The following GON4L variants were observed in gnomAD, a reference collection of about 807,000 sequenced individuals.
GON4L encodes the protein GON-4-like protein.
Under a neutral mutation model 211.8 loss-of-function variants are expected in GON4L, and 87 were observed. The observed-to-expected ratio is 0.41, with a 90% CI of 0.35 to 0.49. The LOEUF is 0.49. GON4L is among the 20% of genes least tolerant of loss of function. The pLI is 0.15. For synonymous variants in GON4L, 875 were observed against 962.6 expected, an observed-to-expected ratio of 0.91 and a Z score of 1.68; for missense variants, 2,155 against 2,659.5, an observed-to-expected ratio of 0.81 and a Z score of 4.17.
rs747701864 is a variant in GON4L, at chr1:155,754,534, T to C, written c.5518-46A>G. ...ATTAGCTGCCAAGTTGTTTTTTTTT[T>C]TTTTTTTTTTTTTGAGACAGAGTCT... On this transcript the variant is annotated intron_variant, in intron 27 of 31. Transcript: ENST00000368331. The C allele has an allele frequency of 7.6e-6, 9 of 1,180,858 alleles. No homozygotes were observed. In the Admixed American group the frequency reaches 1.7e-4, roughly 22 times the overall value. The allele number at this position is 1,180,858 out of a possible 1,614,324, so 73.1% of individuals were successfully genotyped here.
At chr1:155,828,185 T>C (rs1269667002) in intron 2 of GON4L, among the ~76,000 whole-genome samples, 2 of 150,582 alleles carry the variant, frequency 1.3e-5, no homozygotes, top group Admixed American at 1.3e-4. Flanking sequence ...CGCAAAGAAA[T>C]ATTCATGTAG....
chr1:155,760,528 C>T lies in GON4L; in HGVS notation c.5025G>A (p.Leu1675=). 2 of 1,613,492 alleles carry T rather than the reference C, an allele frequency of 1.2e-6. No individual in the cohort carries two copies. Among genetic ancestry groups the T allele is most frequent in the Non-Finnish European group, 1.7e-6 (2 of 1,179,470 alleles). The part of the protein sequence containing the change: ...RRTAVDLYKS[L]QILLQDWPQL... ...GAGGCCAGTCTTGGAGCAGAATTTG[C>T]AGGCTTTTGTAGAGATCTACAGCCG... Residue 1675 remains leucine (L), a synonymous_variant, in exon 24 of 32, where the codon CTG becomes CTA. Coordinates refer to ENST00000368331, the MANE Select transcript of GON4L (RefSeq NM_001282860.2).
upstream of GON4L, among the ~76,000 whole-genome samples, chr1:155,858,636 G>GTTTTT (rs60054192): frequency 1.2e-4 from 13 of 107,940 alleles, 1 homozygote; most frequent in East Asian, 5.1e-4. Context: ...TTCATTAGTT[G>GTTTTT]TTTTTTTTTT....
At position 155,805,101 on chromosome 1, in the gene GON4L, T is replaced by C; in HGVS notation, c.1493A>G (p.Lys498Arg). 1.2e-6 allele frequency: 2 copies of C among 1,613,844 alleles called. No homozygotes were observed. The highest frequency in any genetic ancestry group is 1.6e-4 in the Middle Eastern group (1 of 6,062). Residue 498 changes from lysine (K) to arginine (R), a missense_variant, in exon 11 of 32, where the codon AAG (lysine) becomes AGG (arginine). By Grantham distance (26) the Lys-to-Arg change is conservative (BLOSUM62 2). Coordinates refer to ENST00000368331, the MANE Select transcript of GON4L (RefSeq NM_001282860.2). ...CAGGGGAACATCTTTCAGGGGCATC[T>C]TAGAACGCGTTCGAAATGCAATGAG... ...DSLIAFRTRS[K>R]MPLKDVPLGQ...
At position 155,842,523 on chromosome 1, in the gene GON4L, CAAAAAAAAAAAAA is replaced by C. The variant is rs71591917; in HGVS notation, c.505+10740_505+10752del. Reference sequence around the variant, plus strand: ...TGGGCGACAGAGCGAGACTCCATCTCAAAAAAAAAAAAAAAAAAAAAAAACTTGGAAAGGGCCG... The same window carrying C: ...TGGGCGACAGAGCGAGACTCCATCTCAAAAAAAAAAACTTGGAAAGGGCCG... On this transcript the variant is annotated intron_variant, in intron 2 of 31. Coordinates refer to ENST00000368331, the MANE Select transcript of GON4L (RefSeq NM_001282860.2). 1.2e-3 allele frequency among the ~76,000 whole-genome samples: 32 copies of C among 26,004 alleles called. 1 individual carries two copies. In the East Asian group the frequency reaches 0.031, roughly 25 times the overall value. 17.1% of individuals were successfully genotyped at this position (26,004 alleles called of 152,430 possible).
At chr1:155,809,589 CTT>C (rs1280062447) in intron 10 of GON4L, among the ~76,000 whole-genome samples, 2 of 127,804 alleles carry the variant, frequency 1.6e-5, no homozygotes, top group African/African-American at 2.9e-5. Context: ...AAATTATATA[CTT>C]ATATATACTT....
chr1:155,813,625 A>T lies in GON4L; in HGVS notation c.1452+9T>A. On this transcript the variant is annotated intron_variant, in intron 10 of 31. Transcript: ENST00000368331. ...GACTTTCTCAGTTAAGTACAGTTTT[A>T]ATATTTACCTGGAAAGAATCCATGC... 1 of 1,600,442 alleles carries T rather than the reference A, an allele frequency of 6.2e-7. No individual in the cohort carries two copies. Among genetic ancestry groups the T allele is most frequent in the Non-Finnish European group, 8.6e-7 (1 of 1,167,516 alleles).
intron 8 of GON4L, among the ~76,000 whole-genome samples, chr1:155,815,372 C>G (rs1188707223): frequency 6.6e-6 from 1 of 151,926 alleles, no homozygotes; most frequent in African/African-American, 2.4e-5. Flanking sequence ...AAGTTCAAAA[C>G]AGTAACAATT....
chr1:155,815,780 A>G, intron 8 of GON4L, 25 bp downstream of exon 8: 1 of 1,267,160 alleles, frequency 7.9e-7, no homozygotes, highest in Non-Finnish European at 1.1e-6. Context: ...ATTAAGACAA[A>G]TATTACCAAC....
At position 155,805,000 on chromosome 1, in the gene GON4L, C is replaced by T; in HGVS notation, c.1594G>A (p.Asp532Asn). The change falls in exon 11 of 32, where the codon GAC (aspartate) becomes AAC (asparagine). Residue 532 changes from aspartate (D) to asparagine (N), a missense_variant. By Grantham distance (23) the Asp-to-Asn change is conservative (BLOSUM62 1). Transcript: ENST00000368331. ...MYDPNTADDEDWKMWLGGLMN... is the reference protein window; with the variant it reads ...MYDPNTADDENWKMWLGGLMN... The stretch of plus-strand genomic sequence containing the variant: ...AGTCCCCCCAGCCACATCTTCCAGT[C>T]CTCATCATCTGCCGTATTGGGGTCA... 6.2e-7 allele frequency: 1 copy of T among 1,613,944 alleles called. No individual in the cohort carries two copies. Among genetic ancestry groups the T allele is most frequent in the Non-Finnish European group, 8.5e-7 (1 of 1,179,878 alleles).
intron 31 of GON4L, 47 bp from the exon 32 acceptor site, chr1:155,750,780 T>C: frequency 6.5e-7 from 1 of 1,540,324 alleles, no homozygotes; most frequent in East Asian, 2.4e-5. Flanking sequence ...TTTTTTGTTT[T>C]TGAGACGGAG....
intron 29 of GON4L, 90 bp downstream of exon 29, chr1:155,753,114 G>A (rs1660790372): frequency 2.1e-6 from 2 of 952,240 alleles, no homozygotes; most frequent in Non-Finnish European, 3.3e-6. Context: ...TCCCTGAAAA[G>A]GCTATTTATC....
Position 155,762,259 on chromosome 1 carries a change from C to G in GON4L, c.4842G>C (p.Glu1614Asp), listed in dbSNP as rs755033137. Residue 1614 changes from glutamate to aspartate, a missense_variant, in exon 23 of 32, where the codon GAG (glutamate) becomes GAC (aspartate). Glu to Asp is a conservative substitution (Grantham distance 45). This residue lies in a region of GON4L where 455 missense variants were observed against 504.6 expected (regional missense o/e 0.90). Coordinates refer to ENST00000368331, the MANE Select transcript of GON4L (RefSeq NM_001282860.2). Reference sequence around the variant, plus strand: ...TGAGTGGATCTCGCTCGAGAATGTCCTCATCATACAGCAACAGCAGCTTGG... The same window carrying G: ...TGAGTGGATCTCGCTCGAGAATGTCGTCATCATACAGCAACAGCAGCTTGG... ...DTSKLLLLYD[E>D]DILERDPLRE... 6.2e-7 allele frequency: 1 copy of G among 1,612,860 alleles called. No homozygotes were observed. Among genetic ancestry groups the G allele is most frequent in the Non-Finnish European group, 8.5e-7 (1 of 1,179,470 alleles).
At chr1:155,786,696 G>A (rs894092634) in intron 12 of GON4L, among the ~76,000 whole-genome samples, 1 of 152,158 alleles carries the variant, frequency 6.6e-6, no homozygotes, top group Admixed American at 6.6e-5. Flanking sequence ...CAATCCAACA[G>A]ACGGAAAATT....
In GON4L at chr1:155,765,799, G is replaced by C; in HGVS notation, c.3674C>G (p.Ala1225Gly). The change falls in exon 21 of 32, where the codon GCC (alanine) becomes GGC (glycine). Residue 1225 changes from alanine (A) to glycine (G), a missense_variant. By Grantham distance (60) the Ala-to-Gly change is moderately conservative. Around this residue, in one of 6 missense-constraint regions of GON4L, gnomAD observed 615 missense variants for 625.7 expected, o/e 0.98. Coordinates refer to ENST00000368331, the MANE Select transcript of GON4L (RefSeq NM_001282860.2). ...ACAAGCAATGTCCACATTCACGTGGGCCTTATCTTCAGGGGTGGATGGTAT... is the reference window on the plus strand; with the variant it reads ...ACAAGCAATGTCCACATTCACGTGGCCCTTATCTTCAGGGGTGGATGGTAT... Reference protein sequence around the residue: ...LPIPSTPEDKAHVNVDIACAV... With the variant: ...LPIPSTPEDKGHVNVDIACAV... The C allele has an allele frequency of 6.2e-7, 1 of 1,614,204 alleles. No individual in the cohort carries two copies. The highest frequency in any genetic ancestry group is 1.3e-5 in the African/African-American group (1 of 75,054).
intron 2 of GON4L, chr1:155,845,748 A>C: frequency 3.7e-6 from 1 of 272,838 alleles, no homozygotes; most frequent in Non-Finnish European, 7.4e-6. Flanking sequence ...AGTGACATGA[A>C]GCCAAAGGAC....
chr1:155,836,393 G>A (rs959660094), intron 2 of GON4L, among the ~76,000 whole-genome samples: 5 of 152,100 alleles, frequency 3.3e-5, no homozygotes, highest in Middle Eastern at 6.8e-3. Context: ...GGGATGACAG[G>A]TGCCTGCCAC....
At chr1:155,764,424 C>CTTT (rs1394769109) in intron 21 of GON4L, 2 of 127,148 alleles carry the variant, frequency 1.6e-5, no homozygotes, top group African/African-American at 7.9e-5. Flanking sequence ...CAGTTATTTA[C>CTTT]TATTTTTTTT....
Position 155,815,873 on chromosome 1 carries a change from C to T in GON4L, c.1093G>A (p.Glu365Lys), listed in dbSNP as rs1401219715. Reference sequence around the variant, plus strand: ...TCTTCATCTGAGGAATCATCTTCTTCAAGGTGGATATCCACAAACTGAGGA... The same window carrying T: ...TCTTCATCTGAGGAATCATCTTCTTTAAGGTGGATATCCACAAACTGAGGA... Reference protein sequence around the residue: ...KPPQFVDIHLEEDDSSDEEYQ... With the variant: ...KPPQFVDIHLKEDDSSDEEYQ... Residue 365 changes from glutamate to lysine, a missense_variant, in exon 8 of 32, where the codon GAA (glutamate) becomes AAA (lysine). Glu to Lys is a moderately conservative substitution (Grantham distance 56). This residue lies in a region of GON4L where 551 missense variants were observed against 854.0 expected (regional missense o/e 0.65). Coordinates refer to ENST00000368331, the MANE Select transcript of GON4L (RefSeq NM_001282860.2). The T allele has an allele frequency of 6.2e-7, 1 of 1,603,948 alleles. No homozygotes were observed. The highest frequency in any genetic ancestry group is 8.5e-7 in the Non-Finnish European group (1 of 1,171,194).
Sources: allele counts gnomAD v4.1 joint callset (sites outside exome capture counted in the v4.1 genomes callset), GRCh38; gene constraint gnomAD v4.1.1; regional missense constraint gnomAD v4.1.1; transcripts MANE v1.5; gene names NCBI Gene and HGNC (gene_info 2026-07-23, HGNC 2026-07-21).